The following STK32B variants were observed in gnomAD, a reference collection of about 807,000 sequenced individuals.
The protein encoded by STK32B is serine/threonine-protein kinase 32B.
Under a neutral mutation model 52.6 loss-of-function variants are expected in STK32B, and 43 were observed. The observed-to-expected ratio is 0.82, with a 90% CI of 0.64 to 1.05. The LOEUF is 1.05. Ranked by LOEUF, STK32B falls within the 50% of genes least tolerant of loss-of-function variation. The pLI, the probability that STK32B is intolerant of heterozygous loss-of-function variation, is 0.00. For missense variants in STK32B, 621 were observed against 534.6 expected (o/e 1.16, Z -1.59); for synonymous variants, 238 against 204.3 (o/e 1.17, Z -1.41).
chr4:5,274,770 C>T (rs560861193), intron 3 of STK32B, among the ~76,000 whole-genome samples: 15 of 152,228 alleles, frequency 9.9e-5, no homozygotes, highest in South Asian at 2.1e-4. Flanking sequence ...GTGTTTGTTA[C>T]GGCTCGAGCT....
At chr4:5,474,709 C>A (rs1436724818) in intron 11 of STK32B, among the ~76,000 whole-genome samples, 2 of 152,290 alleles carry the variant, frequency 1.3e-5, no homozygotes, top group East Asian at 3.9e-4. Flanking sequence ...GTGAAGACCA[C>A]CTTCTGTGTG....
intron 3 of STK32B, among the ~76,000 whole-genome samples, chr4:5,185,637 T>C (rs1364242399): frequency 1.3e-5 from 2 of 152,180 alleles, no homozygotes; most frequent in Non-Finnish European, 2.9e-5. Context: ...AGCAGTGTCA[T>C]TTCCACAGAA....
At chr4:5,277,592 C>T (rs553129599) in intron 3 of STK32B, among the ~76,000 whole-genome samples, 17 of 152,022 alleles carry the variant, frequency 1.1e-4, no homozygotes, top group African/African-American at 3.6e-4. Flanking sequence ...CCTGCCTACC[C>T]GGTTGTGATG....
chr4:5,163,538 C>T (rs1241814385), intron 2 of STK32B, among the ~76,000 whole-genome samples: 1 of 139,336 alleles, frequency 7.2e-6, no homozygotes, highest in African/African-American at 2.7e-5. Flanking sequence ...AGAGTGAAGG[C>T]TGTGTGTGTG....
rs116582943 is a variant in STK32B, at chr4:5,329,382, G to A, written c.261-1838G>A. Among the ~76,000 whole-genome samples, 913 of 152,254 alleles carry A rather than the reference G, an allele frequency of 6.0e-3. 7 individuals are homozygous for A. The highest frequency in any genetic ancestry group is 8.8e-3 in the Non-Finnish European group (601 of 68,014). ...TGTTTGTGCAGGTTGTGGGTACTGC[G>A]CCATGATCCAGCCTCCCGCCATGGG... On this transcript the variant is annotated intron_variant, in intron 3 of 11. Coordinates refer to ENST00000282908, the MANE Select transcript of STK32B (RefSeq NM_018401.3).
chr4:5,149,239 T>C (rs1049902102), intron 2 of STK32B, among the ~76,000 whole-genome samples: 13 of 151,874 alleles, frequency 8.6e-5, no homozygotes, highest in African/African-American at 3.1e-4. Flanking sequence ...TATTTAACAT[T>C]AATTTCTTGA....
At chr4:5,096,895 T>C (rs1282544813) in intron 1 of STK32B, among the ~76,000 whole-genome samples, 1 of 152,196 alleles carries the variant, frequency 6.6e-6, no homozygotes, top group Non-Finnish European at 1.5e-5. Flanking sequence ...TTTATGGAGC[T>C]CCTGCTAAGT....
At chr4:5,120,877 AATT>A (rs1714987706) in intron 1 of STK32B, among the ~76,000 whole-genome samples, 1 of 151,466 alleles carries the variant, frequency 6.6e-6, no homozygotes, top group Non-Finnish European at 1.5e-5. Flanking sequence ...TCATTTAAGA[AATT>A]ATATTATAAA....
intron 6 of STK32B, chr4:5,432,393 CATG>C (rs1165588049): frequency 6.6e-6 from 1 of 152,118 alleles, no homozygotes; most frequent in Non-Finnish European, 1.5e-5. Context: ...TAAAATATAG[CATG>C]ATAAGGAACT....
intron 5 of STK32B, among the ~76,000 whole-genome samples, chr4:5,409,753 G>A (rs1711515477): frequency 6.6e-6 from 1 of 152,078 alleles, no homozygotes; most frequent in African/African-American, 2.4e-5. Context: ...CTTGTCACTG[G>A]TTGTTGTTTT....
intron 2 of STK32B, among the ~76,000 whole-genome samples, chr4:5,164,717 G>A (rs1272314136): frequency 6.6e-6 from 1 of 152,144 alleles, no homozygotes; most frequent in African/African-American, 2.4e-5. Context: ...GAGAGGGTGG[G>A]CGACTTGCCT....
At chr4:5,157,902 C>A (rs1487262846) in intron 2 of STK32B, among the ~76,000 whole-genome samples, 1 of 152,178 alleles carries the variant, frequency 6.6e-6, no homozygotes, top group African/African-American at 2.4e-5. Context: ...AACAATGATG[C>A]ATTTACTAGA....
intron 6 of STK32B, chr4:5,438,184 T>C (rs1266526010): frequency 2.1e-6 from 2 of 955,042 alleles, no homozygotes; most frequent in Non-Finnish European, 2.5e-6. Flanking sequence ...ACTCCTTTTC[T>C]CTCAAGCCCT....
intron 1 of STK32B, among the ~76,000 whole-genome samples, chr4:5,087,214 A>G (rs1712779889): frequency 6.6e-6 from 1 of 152,110 alleles, no homozygotes; most frequent in Admixed American, 6.5e-5. Context: ...TATATTTGAA[A>G]TTAAGTAGTA....
chr4:5,363,220 C>G (rs570683205), intron 4 of STK32B, among the ~76,000 whole-genome samples: 2 of 152,304 alleles, frequency 1.3e-5, no homozygotes, highest in Admixed American at 6.5e-5. Flanking sequence ...ATAAATACAT[C>G]TTTTATATAG....
chr4:5,316,168 T>TATATATAAATAA (rs1560309961), intron 3 of STK32B, among the ~76,000 whole-genome samples: 1 of 100,980 alleles, frequency 9.9e-6, no homozygotes, highest in African/African-American at 5.4e-5. Context: ...TATAACTAAA[T>TATATATAAATAA]ATATATATAA....
intron 2 of STK32B, among the ~76,000 whole-genome samples, chr4:5,148,628 G>C (rs1717106631): frequency 6.6e-6 from 1 of 151,632 alleles, no homozygotes; most frequent in African/African-American, 2.4e-5. Context: ...TATTAATTGA[G>C]ACTCATTTTA....
intron 3 of STK32B, among the ~76,000 whole-genome samples, chr4:5,255,585 C>T (rs1726241623): frequency 6.6e-6 from 1 of 152,030 alleles, no homozygotes; most frequent in African/African-American, 2.4e-5. Context: ...CCAGTCAATG[C>T]CCCACCAAGA....
intron 5 of STK32B, among the ~76,000 whole-genome samples, chr4:5,416,047 A>G (rs955763865): frequency 6.6e-6 from 1 of 152,184 alleles, no homozygotes; most frequent in African/African-American, 2.4e-5. Context: ...ATAGAGAGAA[A>G]TGTAATTGCA....
Sources: gnomAD v4.1 joint callset for allele counts (sites outside exome capture counted in the v4.1 genomes callset) on GRCh38, gnomAD v4.1.1 for gene constraint, MANE v1.5 for transcripts, NCBI Gene and HGNC (gene_info 2026-07-23, HGNC 2026-07-21) for gene names.